Variants in MARCHF1 observed in about 807,000 individuals in gnomAD.
MARCHF1 encodes membrane associated ring-CH-type finger 1, also known as E3 ubiquitin-protein ligase MARCHF1.
MARCHF1 carries 40 observed loss-of-function variants against 54.2 expected under a neutral mutation model. The ratio of observed to expected loss-of-function variants is 0.74; its 90% CI spans 0.57 to 0.96. The LOEUF is 0.96. MARCHF1 is among the 40% of genes least tolerant of loss of function. The pLI is 0.00. For synonymous variants in MARCHF1, 236 were observed against 236.3 expected (o/e 1.00, Z 0.01); for missense variants, 586 against 656.5 (o/e 0.89, Z 1.17).
At position 163,531,688 on chromosome 4, in the gene MARCHF1, A is replaced by C. The variant is rs145798155; in HGVS notation, c.1340-2642T>G. Among the ~76,000 whole-genome samples, 390 of 152,054 alleles carry C rather than the reference A, an allele frequency of 2.6e-3. 3 individuals carry two copies. The highest frequency in any genetic ancestry group is 8.7e-3 in the African/African-American group (363 of 41,546). ...GATATGATTATGTATAAAATCTCAA[A>C]GAACTGATTAAGTTTTTTTTTTAAA... On this transcript the variant is annotated intron_variant, in intron 9 of 9. Coordinates refer to ENST00000514618, the MANE Select transcript of MARCHF1 (RefSeq NM_001394959.1).
intron 3 of MARCHF1, among the ~76,000 whole-genome samples, chr4:163,891,910 T>A (rs1038367561): frequency 1.3e-5 from 2 of 152,324 alleles, no homozygotes; most frequent in African/African-American, 2.4e-5. Flanking sequence ...CAAGATTATG[T>A]CTTGCTGTGC....
intron 1 of MARCHF1, among the ~76,000 whole-genome samples, chr4:164,259,173 C>T (rs1465542420): frequency 6.6e-6 from 1 of 152,056 alleles, no homozygotes; most frequent in Non-Finnish European, 1.5e-5. Flanking sequence ...AGATCATACT[C>T]CTCCGAAATT....
At chr4:164,208,275 AG>A (rs1731669447) in intron 1 of MARCHF1, among the ~76,000 whole-genome samples, 1 of 152,228 alleles carries the variant, frequency 6.6e-6, no homozygotes, top group Non-Finnish European at 1.5e-5. Flanking sequence ...GTTTGATGGA[AG>A]GGACTGACAG....
At chr4:164,276,353 T>C (rs1387996584) in intron 1 of MARCHF1, among the ~76,000 whole-genome samples, 7 of 152,128 alleles carry the variant, frequency 4.6e-5, no homozygotes, top group Admixed American at 4.6e-4. Context: ...ACCTCAGCTT[T>C]CTCCATTCAG....
chr4:164,277,090 T>C (rs1733906430), intron 1 of MARCHF1, among the ~76,000 whole-genome samples: 1 of 151,990 alleles, frequency 6.6e-6, no homozygotes, highest in African/African-American at 2.4e-5. Context: ...GTTATAGGGC[T>C]TTTGAACCAT....
At chr4:163,842,672 G>A (rs191230509) in intron 4 of MARCHF1, among the ~76,000 whole-genome samples, 17 of 152,128 alleles carry the variant, frequency 1.1e-4, no homozygotes, top group Non-Finnish European at 1.6e-4. Context: ...CTCATGGCAC[G>A]TAGTATGTAT....
At chr4:164,358,785 G>T (rs1730637628) in intron 1 of MARCHF1, among the ~76,000 whole-genome samples, 1 of 152,118 alleles carries the variant, frequency 6.6e-6, no homozygotes, top group African/African-American at 2.4e-5. Context: ...TCATGGAATA[G>T]AAATGTTATA....
At chr4:163,591,749 C>A (rs753522624) in intron 7 of MARCHF1, among the ~76,000 whole-genome samples, 1 of 152,036 alleles carries the variant, frequency 6.6e-6, no homozygotes. Flanking sequence ...GTTTATGTTT[C>A]GGGAAAATTC....
chr4:164,221,970 T>A (rs1202545664), intron 1 of MARCHF1, among the ~76,000 whole-genome samples: 2 of 111,946 alleles, frequency 1.8e-5, no homozygotes, highest in Non-Finnish European at 3.5e-5. Flanking sequence ...CCTAAAGAAA[T>A]CAGGGTTCAG....
chr4:163,544,459 CTT>C (rs1738826228), intron 9 of MARCHF1, among the ~76,000 whole-genome samples: 1 of 152,206 alleles, frequency 6.6e-6, no homozygotes, highest in African/African-American at 2.4e-5. Context: ...ACCATCCCCT[CTT>C]TGACGCACAG....
intron 1 of MARCHF1, among the ~76,000 whole-genome samples, chr4:164,344,870 G>C (rs2110858079): frequency 6.6e-6 from 1 of 152,246 alleles, no homozygotes; most frequent in African/African-American, 2.4e-5. Context: ...GACTAAAGAA[G>C]TCCTTTGCTC....
At chr4:164,239,920 T>C (rs1439786305) in intron 1 of MARCHF1, among the ~76,000 whole-genome samples, 2 of 152,208 alleles carry the variant, frequency 1.3e-5, no homozygotes, top group African/African-American at 4.8e-5. Flanking sequence ...AGAAAATATG[T>C]TCTTCTATTT....
chr4:164,095,478 T>A (rs72985813), intron 2 of MARCHF1, among the ~76,000 whole-genome samples: 3,627 of 152,120 alleles, frequency 0.024, 144 homozygotes, highest in African/African-American at 0.082. Context: ...CTATTGATGA[T>A]TTTTGTCCAT....
intron 4 of MARCHF1, among the ~76,000 whole-genome samples, chr4:163,708,840 T>C (rs562735859): frequency 6.6e-6 from 1 of 152,000 alleles, no homozygotes; most frequent in South Asian, 2.1e-4. Flanking sequence ...GGGCAAGGAA[T>C]CTTAAAAAGC....
At chr4:164,253,022 G>A (rs1386789184) in intron 1 of MARCHF1, among the ~76,000 whole-genome samples, 2 of 152,000 alleles carry the variant, frequency 1.3e-5, no homozygotes, top group African/African-American at 4.8e-5. Context: ...AAAGTCCAGT[G>A]TATCATGAAA....
At chr4:164,292,051 T>C (rs1734295978) in intron 1 of MARCHF1, among the ~76,000 whole-genome samples, 2 of 152,132 alleles carry the variant, frequency 1.3e-5, no homozygotes, top group South Asian at 2.1e-4. Context: ...TCATACTTTA[T>C]TGAATATACA....
rs576317730 is a variant in MARCHF1, at chr4:163,574,229, T to G, written c.1191+11520A>C. Among the ~76,000 whole-genome samples the G allele has an allele frequency of 3.7e-3, 558 of 151,448 alleles. 2 individuals carry two copies. The highest frequency in any genetic ancestry group is 0.012 in the African/African-American group (481 of 41,272). On this transcript the variant is annotated intron_variant, in intron 8 of 9. Transcript: ENST00000514618. ...TGGATATTAGCCCTTTGTCAGATGA[T>G]TAGGTTGCGAAAATTTTCTCCCATT... is the stretch of plus-strand genomic sequence containing the variant.
chr4:164,143,288 C>T (rs907328638), intron 1 of MARCHF1, among the ~76,000 whole-genome samples: 2 of 148,596 alleles, frequency 1.3e-5, no homozygotes, highest in Non-Finnish European at 3.0e-5. Flanking sequence ...TCTAGCAAGG[C>T]AGGCCAACGT....
At chr4:163,948,506 C>T (rs968243839) in intron 3 of MARCHF1, among the ~76,000 whole-genome samples, 4 of 152,182 alleles carry the variant, frequency 2.6e-5, no homozygotes, top group Admixed American at 1.3e-4. Context: ...TGTGATTAGT[C>T]ATCAGGTATT....
Sources: gnomAD v4.1 joint callset for allele counts (sites outside exome capture counted in the v4.1 genomes callset) on GRCh38, gnomAD v4.1.1 for gene constraint, MANE v1.5 for transcripts, NCBI Gene and HGNC (gene_info 2026-07-23, HGNC 2026-07-21) for gene names.